WFDC11: variants seen among roughly 807,000 people sequenced by gnomAD.
WFDC11 encodes WAP four-disulfide core domain 11, also known as protein WFDC11.
In WFDC11, 9 loss-of-function variants were observed where a neutral mutation model predicts 9.9. That is an observed-to-expected ratio of 0.91 (90% CI 0.55 to 1.58). WFDC11 has a LOEUF of 1.58. WFDC11 is among the 40% of genes most tolerant of loss of function. The pLI is 0.00. For synonymous variants in WFDC11, 32 were observed against 33.3 expected (o/e 0.96, Z 0.13); for missense variants, 106 against 101.7 (o/e 1.04, Z -0.18).
At chr20:45,661,300 A>G (rs374921341) in intron 2 of WFDC11, among the ~76,000 whole-genome samples, 64 of 151,798 alleles carry the variant, frequency 4.2e-4, no homozygotes, top group African/African-American at 1.5e-3. Flanking sequence ...TGAGTTCTTT[A>G]TAGATTCTGG....
At position 45,648,667 on chromosome 20, in the gene WFDC11, C is replaced by G; in HGVS notation, c.*52G>C. 1.2e-6 allele frequency: 2 copies of G among 1,610,804 alleles called. No individual in the cohort carries two copies. Among genetic ancestry groups the G allele is most frequent in the Non-Finnish European group, 1.7e-6 (2 of 1,177,180 alleles). On this transcript the variant is annotated 3_prime_UTR_variant, in exon 5 of 5. Coordinates refer to ENST00000324384, the MANE Select transcript of WFDC11 (RefSeq NM_147197.2). Reference sequence around the variant, plus strand: ...GCCACAGGGTACTACTATGAGACCTCTTAAACATTTCCCAGCCCACACAGG... The same window carrying G: ...GCCACAGGGTACTACTATGAGACCTGTTAAACATTTCCCAGCCCACACAGG...
intron 2 of WFDC11, among the ~76,000 whole-genome samples, chr20:45,655,103 AC>A (rs772297109): frequency 2.0e-4 from 31 of 152,200 alleles, no homozygotes; most frequent in Non-Finnish European, 3.8e-4. Context: ...TCATCCTGAT[AC>A]CAAAGGCTGG....
chr20:45,669,348 G>C (rs1600944654), intron 1 of WFDC11, among the ~76,000 whole-genome samples: 1 of 152,138 alleles, frequency 6.6e-6, no homozygotes, highest in East Asian at 1.9e-4. Context: ...TCAGTTCCAG[G>C]CCACCCTAAT....
chr20:45,669,314 G>T (rs887430949), intron 1 of WFDC11, among the ~76,000 whole-genome samples: 11 of 152,090 alleles, frequency 7.2e-5, no homozygotes, highest in African/African-American at 2.7e-4. Context: ...TATAGCACAG[G>T]CATACCTCAT....
chr20:45,649,359 A>G lies in WFDC11; in HGVS notation c.141T>C (p.Asn47=). 6.2e-7 allele frequency: 1 copy of G among 1,614,134 alleles called. No individual in the cohort carries two copies. Among genetic ancestry groups the G allele is most frequent in the South Asian group, 1.1e-5 (1 of 91,076 alleles). The change falls in exon 4 of 5, where the codon AAT becomes AAC. Residue 47 remains asparagine, a synonymous_variant. Coordinates refer to ENST00000324384, the MANE Select transcript of WFDC11 (RefSeq NM_147197.2). The part of the protein sequence containing the change: ...LLLEECWGKP[N]VKECTNKCSK... ...AACACTTATTGGTACATTCTTTGAC[A>G]TTTGGCTTTCCCCAGCATTCTTCAA...
chr20:45,649,484 C>A, intron 3 of WFDC11, 85 bp from the exon 4 acceptor site: 1 of 1,513,986 alleles, frequency 6.6e-7, no homozygotes, highest in Non-Finnish European at 8.9e-7. Context: ...TTTAACAGTT[C>A]CTCCTGGAAT....
intron 2 of WFDC11, among the ~76,000 whole-genome samples, chr20:45,657,448 G>A (rs1982958913): frequency 9.0e-6 from 1 of 111,406 alleles, no homozygotes; most frequent in South Asian, 3.7e-4. Flanking sequence ...TGGGGGGAGG[G>A]GGGAGGGATA....
At chr20:45,657,391 C>T (rs1164964299) in intron 2 of WFDC11, among the ~76,000 whole-genome samples, 1 of 133,494 alleles carries the variant, frequency 7.5e-6, no homozygotes, top group African/African-American at 2.9e-5. Context: ...CATGAGAACA[C>T]ATGGACACAG....
chr20:45,665,901 C>G (rs896375401), intron 2 of WFDC11, among the ~76,000 whole-genome samples: 4 of 152,216 alleles, frequency 2.6e-5, no homozygotes, highest in African/African-American at 9.6e-5. Flanking sequence ...AGGAGGTAGT[C>G]TGTCTGTTCT....
At position 45,648,643 on chromosome 20, in the gene WFDC11, C is replaced by G. The variant is rs573263205; in HGVS notation, c.*76G>C. 8.7e-6 allele frequency: 13 copies of G among 1,491,114 alleles called. No homozygotes were observed. The East Asian group carries it at 2.9e-4, about 34-fold the overall frequency. 92.4% of individuals were successfully genotyped at this position (1,491,114 alleles called of 1,614,324 possible). The stretch of plus-strand genomic sequence containing the variant: ...AATAGACTGGTGTTCCTAAAAGTAG[C>G]CACAGGGTACTACTATGAGACCTCT... On this transcript the variant is annotated 3_prime_UTR_variant, in exon 5 of 5. Transcript: ENST00000324384.
chr20:45,652,243 G>C (rs1444053096), intron 2 of WFDC11, among the ~76,000 whole-genome samples: 1 of 152,194 alleles, frequency 6.6e-6, no homozygotes, highest in South Asian at 2.1e-4. Flanking sequence ...AACTTCCAGA[G>C]GAACGATCAG....
chr20:45,664,548 G>A (rs1406454458), intron 2 of WFDC11, among the ~76,000 whole-genome samples: 3 of 152,192 alleles, frequency 2.0e-5, no homozygotes, highest in African/African-American at 7.2e-5. Flanking sequence ...TTTTTGCAGT[G>A]GCTGGTACAG....
At chr20:45,660,365 G>A (rs1312929366) in intron 2 of WFDC11, among the ~76,000 whole-genome samples, 1 of 152,034 alleles carries the variant, frequency 6.6e-6, no homozygotes, top group Non-Finnish European at 1.5e-5. Flanking sequence ...TTATTCCACT[G>A]TGGTATGAGA....
chr20:45,668,483 GA>G (rs11305672), intron 1 of WFDC11, among the ~76,000 whole-genome samples: 29,523 of 147,006 alleles, frequency 0.2, 3,172 homozygotes, highest in East Asian at 0.33. Flanking sequence ...CTCTCCGTAG[GA>G]AAAAAAAAAG....
rs753060915 is a variant in WFDC11 at position 45,648,721 on chromosome 20, A to G, written c.262T>C (p.Ter88GlnextTer17). 3.1e-6 allele frequency: 5 copies of G among 1,614,200 alleles called. No homozygotes were observed. The highest frequency in any genetic ancestry group is 3.4e-6 in the Non-Finnish European group (4 of 1,180,010). The part of the protein sequence containing the change: ...WINVETSGDY[*>Q] ...CAGCCTGGTGGGAAGCTACGGTTTT[A>G]GTAATCTCCACTGGTTTCCTGTAAA... Residue 88 changes from the stop codon to glutamine, a stop_lost, in exon 5 of 5, where the codon TAA becomes CAA. Transcript: ENST00000324384.
At chr20:45,667,699 G>A (rs1983216430) in intron 1 of WFDC11, among the ~76,000 whole-genome samples, 1 of 152,066 alleles carries the variant, frequency 6.6e-6, no homozygotes, top group African/African-American at 2.4e-5. Flanking sequence ...ACTTACTCTA[G>A]GAAAGTCACT....
rs1373796561 is a variant in WFDC11 at position 45,650,204 on chromosome 20, G to GTA, written c.100+295_100+296dup. On this transcript the variant is annotated intron_variant, in intron 3 of 4. Transcript: ENST00000324384. ...AATATTTTTATGTTTATAGCTTATG[G>GTA]TATATATACACACACACACACACAC... 2.5e-4 allele frequency among the ~76,000 whole-genome samples: 25 copies of GTA among 101,290 alleles called. No homozygotes were observed. The South Asian group carries it at 4.8e-3, about 19-fold the overall frequency. 66.5% of individuals were successfully genotyped at this position (101,290 alleles called of 152,430 possible).
At chr20:45,648,894 A>G (rs1411274462) in intron 4 of WFDC11, among the ~76,000 whole-genome samples, 155 bp from the exon 5 acceptor site, 1 of 152,224 alleles carries the variant, frequency 6.6e-6, no homozygotes, top group African/African-American at 2.4e-5. Context: ...TAGGTGAGGT[A>G]TTGGACAAAA....
chr20:45,668,804 AC>A (rs751588063), intron 1 of WFDC11, among the ~76,000 whole-genome samples: 13 of 152,302 alleles, frequency 8.5e-5, no homozygotes, highest in Non-Finnish European at 7.4e-5. Flanking sequence ...CCAATTAATC[AC>A]CAGTTGTTGA....
Sources: allele counts gnomAD v4.1 joint callset (sites outside exome capture counted in the v4.1 genomes callset), GRCh38; gene constraint gnomAD v4.1.1; transcripts MANE v1.5; gene names NCBI Gene and HGNC (gene_info 2026-07-23, HGNC 2026-07-21).